The following IGFL4 variants were observed in gnomAD, a reference collection of about 807,000 sequenced individuals.
IGFL4 encodes insulin growth factor-like family member 4.
In IGFL4, 12 loss-of-function variants were observed where a neutral mutation model predicts 15.4. That is an observed-to-expected ratio of 0.78 (90% confidence interval 0.50 to 1.26). The LOEUF (loss-of-function observed/expected upper bound fraction) is 1.26. IGFL4 is among the 50% of genes most tolerant of loss of function. The pLI is 0.00. For missense variants in IGFL4, 126 were observed against 147.8 expected (o/e 0.85, Z 0.76); for synonymous variants, 54 against 55.9 (o/e 0.97, Z 0.16).
At chr19:46,074,288 TATATATATATACAC>T (rs770932586) in intron 1 of IGFL4, among the ~76,000 whole-genome samples, 2 of 150,718 alleles carry the variant, frequency 1.3e-5, no homozygotes, top group Admixed American at 1.3e-4. Flanking sequence ...TATATATACA[TATATATATATACAC>T]ACACACATAT....
chr19:46,071,762 C>A (rs1325119020), intron 1 of IGFL4, among the ~76,000 whole-genome samples: 1 of 152,164 alleles, frequency 6.6e-6, no homozygotes, highest in Non-Finnish European at 1.5e-5. Flanking sequence ...GGCTCACGCC[C>A]GTAATCCCAA....
upstream of IGFL4, among the ~76,000 whole-genome samples, chr19:46,043,714 G>C (rs1568710408): frequency 6.6e-6 from 1 of 152,052 alleles, no homozygotes; most frequent in Non-Finnish European, 1.5e-5. Context: ...TTCAACAAAT[G>C]GTGTGGGACA....
At chr19:46,048,974 A>C in intron 2 of IGFL4, among the ~76,000 whole-genome samples, 1 of 152,244 alleles carries the variant, frequency 6.6e-6, no homozygotes, top group East Asian at 1.9e-4. Context: ...AATCCTAAGC[A>C]AAAAAGAACA....
At chr19:46,051,049 A>C (rs1969341069) in intron 2 of IGFL4, among the ~76,000 whole-genome samples, 1 of 152,208 alleles carries the variant, frequency 6.6e-6, no homozygotes, top group Non-Finnish European at 1.5e-5. Flanking sequence ...ATCAGCCAAG[A>C]ATTTTTCATT....
chr19:46,047,614 T>C (rs1317707727), intron 2 of IGFL4, among the ~76,000 whole-genome samples: 3 of 151,832 alleles, frequency 2.0e-5, no homozygotes, highest in Non-Finnish European at 2.9e-5. Context: ...CACGGAAATA[T>C]AAACAAACAT....
chr19:46,076,254 T>G (rs540003998), intron 1 of IGFL4, among the ~76,000 whole-genome samples: 23 of 152,320 alleles, frequency 1.5e-4, no homozygotes, highest in Admixed American at 1.0e-3. Context: ...AGTTTCAACG[T>G]GAATCTTGGA....
In IGFL4 at chr19:46,040,393, G is replaced by A. The variant is rs1448685064; in HGVS notation, c.94C>T (p.Pro32Ser). The change falls in exon 3 of 4, where the codon CCA becomes TCA. Residue 32 changes from proline to serine, a missense_variant. Physicochemically the swap from Pro to Ser is moderately conservative, Grantham distance 74. Coordinates refer to ENST00000377697, the MANE Select transcript of IGFL4 (RefSeq NM_001002923.3). This position sits in a 1 kb window ranked among gnomAD's most constrained non-coding sequence, Gnocchi z 4.1. ...GTCCACTCCCCGCACCTGGGCGCTG[G>A]CTGGCATAGCCACAGTCTAAGATCT... ...VTDLRLWLCQ[P>S]APRCGEWTYN... The A allele has an allele frequency of 2.5e-6, 4 of 1,614,190 alleles. No individual in the cohort carries two copies. The East Asian group carries it at 8.9e-5, about 36-fold the overall frequency.
intron 1 of IGFL4, among the ~76,000 whole-genome samples, chr19:46,068,367 A>G (rs1033389700): frequency 1.3e-5 from 2 of 152,228 alleles, no homozygotes; most frequent in Admixed American, 1.3e-4. Flanking sequence ...TGAGTGTCGA[A>G]TCTCATCATG....
chr19:46,049,216 T>G (rs1031010523), intron 2 of IGFL4, among the ~76,000 whole-genome samples: 2 of 152,042 alleles, frequency 1.3e-5, no homozygotes, highest in African/African-American at 4.8e-5. Flanking sequence ...CATCATGAAA[T>G]TTTTCTCCAA....
chr19:46,044,047 T>A (rs1370935975), upstream of IGFL4, among the ~76,000 whole-genome samples: 1 of 151,950 alleles, frequency 6.6e-6, no homozygotes, highest in African/African-American at 2.4e-5. Context: ...AACGAAGAAA[T>A]GCAGGGTAGG....
At chr19:46,048,064 TCCA>T (rs564777479) in intron 2 of IGFL4, among the ~76,000 whole-genome samples, 29 of 152,266 alleles carry the variant, frequency 1.9e-4, no homozygotes, top group Admixed American at 1.7e-3. Context: ...AAAAAGCTTA[TCCA>T]CCATGACCAC....
chr19:46,043,530 AC>A (rs373715023), upstream of IGFL4, among the ~76,000 whole-genome samples: 102 of 152,308 alleles, frequency 6.7e-4, no homozygotes, highest in African/African-American at 2.3e-3. Context: ...GACTCACACT[AC>A]CCAATTTCAC....
chr19:46,042,418 G>A (rs1969255465), upstream of IGFL4, among the ~76,000 whole-genome samples: 1 of 152,080 alleles, frequency 6.6e-6, no homozygotes, highest in South Asian at 2.1e-4. Context: ...TTATAACTCC[G>A]AGCCAGCAAC....
At chr19:46,046,244 A>G (rs1348618403) in intron 2 of IGFL4, among the ~76,000 whole-genome samples, 2 of 152,342 alleles carry the variant, frequency 1.3e-5, no homozygotes, top group Admixed American at 1.3e-4. Context: ...GCCTTGCAAG[A>G]GCTCCTGAAG....
At chr19:46,043,893 A>G (rs542029956), upstream of IGFL4, among the ~76,000 whole-genome samples, 1 of 152,362 alleles carries the variant, frequency 6.6e-6, no homozygotes, top group African/African-American at 2.4e-5. Flanking sequence ...TTGTCCATTT[A>G]AAAAATGGAT....
At chr19:46,072,459 A>G (rs1969555644) in intron 1 of IGFL4, among the ~76,000 whole-genome samples, 2 of 152,214 alleles carry the variant, frequency 1.3e-5, no homozygotes, top group South Asian at 2.1e-4. Context: ...GCAGAGAGGT[A>G]AGTCTTAAGA....
At chr19:46,041,015 G>A (rs1969237775), upstream of IGFL4, 2 of 1,522,200 alleles carry the variant, frequency 1.3e-6, no homozygotes, top group Non-Finnish European at 1.8e-6. Context: ...ATGGGTCAGT[G>A]ACTTTACATA....
intron 1 of IGFL4, among the ~76,000 whole-genome samples, chr19:46,075,820 C>T (rs114359590): frequency 1.3e-5 from 2 of 152,004 alleles, no homozygotes; most frequent in Non-Finnish European, 2.9e-5. Context: ...TATATTACTT[C>T]GAATTCTTCT....
upstream of IGFL4, among the ~76,000 whole-genome samples, chr19:46,041,912 C>T (rs1969248906): frequency 6.8e-6 from 1 of 147,076 alleles, no homozygotes; most frequent in South Asian, 2.1e-4. Flanking sequence ...TATCTTTGCT[C>T]ACTGTAACCT....
Sources: allele counts gnomAD v4.1 joint callset (sites outside exome capture counted in the v4.1 genomes callset), GRCh38; gene constraint gnomAD v4.1.1; non-coding constraint Gnocchi (gnomAD v3.1); transcripts MANE v1.5; gene names NCBI Gene and HGNC (gene_info 2026-07-23, HGNC 2026-07-21).